NUP93: variants seen among roughly 807,000 people sequenced by gnomAD.
The protein encoded by NUP93 is nuclear pore complex protein Nup93.
A neutral mutation model predicts 107.8 loss-of-function variants in NUP93; 55 were observed. That is an observed-to-expected ratio of 0.51 (90% CI 0.41 to 0.64). The LOEUF (loss-of-function observed/expected upper bound fraction) is 0.64. NUP93 is among the 30% of genes least tolerant of loss of function. The pLI is 0.00. For synonymous variants in NUP93, 390 were observed against 397.5 expected (o/e 0.98, Z 0.22); for missense variants, 937 against 1,044.7 (o/e 0.90, Z 1.42).
At chr16:56,794,090 G>GTAGA (rs369592998) in intron 3 of NUP93, among the ~76,000 whole-genome samples, 5,519 of 75,962 alleles carry the variant, frequency 0.073, 107 homozygotes, top group Non-Finnish European at 0.086. Context: ...AGGTAGGTAG[G>GTAGA]TAGATAGATA....
chr16:56,775,385 G>C (rs1962397957), intron 3 of NUP93, among the ~76,000 whole-genome samples: 1 of 152,148 alleles, frequency 6.6e-6, no homozygotes, highest in Admixed American at 6.5e-5. Context: ...CAGTCATGTT[G>C]AGCACTTATT....
chr16:56,730,383 C>T (rs1284225974), intron 1 of NUP93, among the ~76,000 whole-genome samples, 172 bp downstream of exon 1: 1 of 152,198 alleles, frequency 6.6e-6, no homozygotes, highest in Non-Finnish European at 1.5e-5. Context: ...CTTGTCGAGC[C>T]GCCCCCGAGG....
At chr16:56,809,125 C>T (rs1394936483) in intron 5 of NUP93, among the ~76,000 whole-genome samples, 2 of 152,126 alleles carry the variant, frequency 1.3e-5, no homozygotes, top group African/African-American at 4.8e-5. Flanking sequence ...TTTGAGGCTA[C>T]ATCCAGGAGC....
At chr16:56,831,017 A>G (rs1963773956) in intron 10 of NUP93, among the ~76,000 whole-genome samples, 1 of 152,226 alleles carries the variant, frequency 6.6e-6, no homozygotes, top group South Asian at 2.1e-4. Context: ...GGGACTTTTT[A>G]AAAGTTACAC....
chr16:56,837,197 A>G (rs1472626207), intron 17 of NUP93, among the ~76,000 whole-genome samples: 1 of 152,202 alleles, frequency 6.6e-6, no homozygotes. Context: ...AGAACATATG[A>G]TAACTGCTAA....
intron 1 of NUP93, among the ~76,000 whole-genome samples, chr16:56,731,407 T>C (rs1480878965): frequency 3.3e-5 from 5 of 151,814 alleles, no homozygotes; most frequent in African/African-American, 1.2e-4. Flanking sequence ...TTTCCTTTTT[T>C]TTTTTTTCTT....
At chr16:56,797,821 T>A (rs1382232167) in intron 3 of NUP93, among the ~76,000 whole-genome samples, 2 of 152,184 alleles carry the variant, frequency 1.3e-5, no homozygotes, top group African/African-American at 4.8e-5. Flanking sequence ...TTTGAAACTG[T>A]CAAATTTCAA....
At chr16:56,821,456 A>C in intron 6 of NUP93, 48 bp from the exon 7 acceptor site, 1 of 1,305,032 alleles carries the variant, frequency 7.7e-7, no homozygotes, top group South Asian at 1.2e-5. Flanking sequence ...GTTTAAAAAG[A>C]AGAGAAAATA....
Position 56,844,961 on chromosome 16 carries a change from G to A in NUP93, c.*352G>A, listed in dbSNP as rs1204487892. On this transcript the variant is annotated 3_prime_UTR_variant, in exon 22 of 22. Coordinates refer to ENST00000308159, the MANE Select transcript of NUP93 (RefSeq NM_014669.5). ...AAATGAGCCAGGAAACAAAGCCTTT[G>A]GGAGTTACTTTTATTTAGATATAAT... is the stretch of plus-strand genomic sequence containing the variant. The A allele has an allele frequency of 2.9e-6, 1 of 340,570 alleles. No individual in the cohort carries two copies. The highest frequency in any genetic ancestry group is 4.8e-5 in the Admixed American group (1 of 21,000). 21.1% of individuals were successfully genotyped at this position (340,570 alleles called of 1,614,324 possible).
At chr16:56,800,459 C>G (rs546468075) in intron 4 of NUP93, among the ~76,000 whole-genome samples, 3 of 152,174 alleles carry the variant, frequency 2.0e-5, no homozygotes, top group Admixed American at 2.0e-4. Flanking sequence ...AACATTGTGC[C>G]ATACTGAGAC....
chr16:56,825,330 G>C (rs1312938028), intron 8 of NUP93, among the ~76,000 whole-genome samples: 1 of 148,898 alleles, frequency 6.7e-6, no homozygotes, highest in Non-Finnish European at 1.5e-5. Context: ...TCCTGCCTCA[G>C]CCTCCTGAAT....
Position 56,838,937 on chromosome 16 carries a change from G to T in NUP93, c.2019-15G>T. The T allele has an allele frequency of 6.3e-7, 1 of 1,583,412 alleles. No homozygotes were observed. Among genetic ancestry groups the T allele is most frequent in the Non-Finnish European group, 8.7e-7 (1 of 1,154,066 alleles). On this transcript the variant is annotated splice_polypyrimidine_tract_variant and intron_variant, in intron 18 of 21. Coordinates refer to ENST00000308159, the MANE Select transcript of NUP93 (RefSeq NM_014669.5). The stretch of plus-strand genomic sequence containing the variant: ...GATACACTCTTACTACCCCCACCCC[G>T]TTTTTGTCTTTCAGGTATAGGGCTC...
intron 8 of NUP93, among the ~76,000 whole-genome samples, chr16:56,825,008 C>T (rs1359184156): frequency 6.6e-6 from 1 of 151,910 alleles, no homozygotes; most frequent in South Asian, 2.1e-4. Context: ...TTATTTGTTA[C>T]CAGTCAGCAA....
chr16:56,762,711 A>G (rs1461992727), intron 3 of NUP93, among the ~76,000 whole-genome samples: 1 of 152,196 alleles, frequency 6.6e-6, no homozygotes, highest in Admixed American at 6.5e-5. Context: ...ACAGAAGTTT[A>G]TTCTGTCACA....
chr16:56,830,772 C>G, intron 10 of NUP93, 87 bp downstream of exon 10: 1 of 1,270,856 alleles, frequency 7.9e-7, no homozygotes, highest in Non-Finnish European at 1.0e-6. Flanking sequence ...TTTCCCTGGA[C>G]GGGCCCAAAA....
At chr16:56,830,036 C>T (rs538897545) in intron 9 of NUP93, among the ~76,000 whole-genome samples, 42 of 152,200 alleles carry the variant, frequency 2.8e-4, no homozygotes, top group Admixed American at 5.9e-4. Context: ...TCTCTCAGAT[C>T]CCCAGTGCCC....
chr16:56,777,840 C>G (rs1163538653), intron 3 of NUP93, among the ~76,000 whole-genome samples: 1 of 152,172 alleles, frequency 6.6e-6, no homozygotes, highest in Non-Finnish European at 1.5e-5. Flanking sequence ...TCTCAGGGAG[C>G]TGAAAAGATT....
intron 3 of NUP93, among the ~76,000 whole-genome samples, chr16:56,759,664 T>C (rs2144484209): frequency 6.6e-6 from 1 of 152,298 alleles, no homozygotes; most frequent in East Asian, 1.9e-4. Context: ...CATGTAATCT[T>C]GAAATGGCAT....
chr16:56,777,708 A>T (rs1277007744), intron 3 of NUP93, among the ~76,000 whole-genome samples: 1 of 152,186 alleles, frequency 6.6e-6, no homozygotes, highest in African/African-American at 2.4e-5. Context: ...GCATATAATG[A>T]GGAAGCCAAC....
Sources: allele counts gnomAD v4.1 joint callset (sites outside exome capture counted in the v4.1 genomes callset), GRCh38; gene constraint gnomAD v4.1.1; transcripts MANE v1.5; gene names NCBI Gene and HGNC (gene_info 2026-07-23, HGNC 2026-07-21).